Variants in EXOC4 observed in about 807,000 individuals in gnomAD.
The protein encoded by EXOC4 is exocyst complex component 4.
A neutral mutation model predicts 107.2 loss-of-function variants in EXOC4; 71 were observed. The ratio of observed to expected loss-of-function variants is 0.66; its 90% CI spans 0.55 to 0.81. EXOC4 has a LOEUF of 0.81. Ranked by LOEUF, EXOC4 falls within the 30% of genes least tolerant of loss-of-function variation. The pLI is 0.00. For missense variants in EXOC4, 1,108 were observed against 1,189.6 expected (o/e 0.93, Z 1.01); for synonymous variants, 456 against 441.2 (o/e 1.03, Z -0.42).
chr7:133,624,036 A>G (rs1319634907), intron 9 of EXOC4, among the ~76,000 whole-genome samples: 1 of 152,196 alleles, frequency 6.6e-6, no homozygotes. Flanking sequence ...GGAGTTCCAT[A>G]TTTATTATAC....
At chr7:133,979,386 G>A (rs1194205472) in intron 14 of EXOC4, among the ~76,000 whole-genome samples, 1 of 152,130 alleles carries the variant, frequency 6.6e-6, no homozygotes, top group Non-Finnish European at 1.5e-5. Flanking sequence ...ACGGCGGTCA[G>A]GAAATAAATG....
At chr7:133,647,574 G>T (rs1803024384) in intron 10 of EXOC4, among the ~76,000 whole-genome samples, 1 of 152,106 alleles carries the variant, frequency 6.6e-6, no homozygotes, top group Admixed American at 6.5e-5. Flanking sequence ...AAGGACCCTA[G>T]AGCCCCAACT....
At chr7:133,943,980 T>C (rs980352003) in intron 14 of EXOC4, among the ~76,000 whole-genome samples, 4 of 152,172 alleles carry the variant, frequency 2.6e-5, no homozygotes, top group African/African-American at 9.7e-5. Context: ...GATTGATTTA[T>C]GATAAAAATT....
chr7:133,629,049 T>C, intron 9 of EXOC4, among the ~76,000 whole-genome samples: 1 of 152,332 alleles, frequency 6.6e-6, no homozygotes, highest in Middle Eastern at 3.4e-3. Context: ...TATTATTTAG[T>C]GTTAAGAATA....
chr7:133,443,595 C>T (rs551118023), intron 7 of EXOC4, among the ~76,000 whole-genome samples: 1 of 152,282 alleles, frequency 6.6e-6, no homozygotes, highest in African/African-American at 2.4e-5. Context: ...GTGTTTGTCT[C>T]TGCAGCTCTA....
chr7:133,262,330 A>G (rs1795172789), intron 1 of EXOC4, among the ~76,000 whole-genome samples: 1 of 151,802 alleles, frequency 6.6e-6, no homozygotes. Context: ...GTAAGCCATG[A>G]AATAAATTAT....
intron 7 of EXOC4, among the ~76,000 whole-genome samples, chr7:133,419,542 A>G (rs1308548960): frequency 6.6e-6 from 1 of 152,170 alleles, no homozygotes; most frequent in Non-Finnish European, 1.5e-5. Flanking sequence ...GTGCATTCAT[A>G]CACAGCCAAC....
At chr7:134,080,440 T>C in the EXOC4 span, among the ~76,000 whole-genome samples, 22 of 148,708 alleles carry the variant, frequency 1.5e-4, no homozygotes, top group Non-Finnish European at 2.4e-4. Context: ...TGTTTTTACC[T>C]TGAGGGATCT....
chr7:133,555,879 C>G (rs1800680878), intron 9 of EXOC4, among the ~76,000 whole-genome samples: 1 of 152,158 alleles, frequency 6.6e-6, no homozygotes. Flanking sequence ...ATGTGTGCAT[C>G]ACTTAGAAAA....
At chr7:133,846,271 C>A (rs1456169212) in intron 11 of EXOC4, among the ~76,000 whole-genome samples, 1 of 152,196 alleles carries the variant, frequency 6.6e-6, no homozygotes, top group Non-Finnish European at 1.5e-5. Flanking sequence ...TTAGTTCAAT[C>A]TTTCTACTCA....
chr7:133,383,230 ACAAACC>A (rs1563044630), intron 7 of EXOC4, among the ~76,000 whole-genome samples: 64 of 152,308 alleles, frequency 4.2e-4, no homozygotes, highest in African/African-American at 1.5e-3. Context: ...ATCACTTTGA[ACAAACC>A]CATCCTCCAG....
At chr7:133,342,404 C>G (rs1650649899) in intron 5 of EXOC4, among the ~76,000 whole-genome samples, 1 of 152,104 alleles carries the variant, frequency 6.6e-6, no homozygotes, top group Non-Finnish European at 1.5e-5. Context: ...TTAGAAATCT[C>G]CTGTTAATCT....
At chr7:134,006,224 C>T (rs996939706) in intron 16 of EXOC4, among the ~76,000 whole-genome samples, 5 of 151,532 alleles carry the variant, frequency 3.3e-5, no homozygotes, top group Non-Finnish European at 7.4e-5. Context: ...ATTATTATTT[C>T]TTATTCTCTA....
At chr7:133,311,525 T>C (rs755625784) in intron 4 of EXOC4, among the ~76,000 whole-genome samples, 3 of 152,182 alleles carry the variant, frequency 2.0e-5, no homozygotes, top group Non-Finnish European at 4.4e-5. Context: ...CTACCTCTTA[T>C]GTACAAATGA....
chr7:134,054,192 C>T (rs1198988736), intron 17 of EXOC4, among the ~76,000 whole-genome samples: 1 of 152,188 alleles, frequency 6.6e-6, no homozygotes, highest in African/African-American at 2.4e-5. Flanking sequence ...GGTGATCCAC[C>T]TGTCTTGGCC....
chr7:133,752,403 C>T (rs1472972870), intron 10 of EXOC4, among the ~76,000 whole-genome samples: 1 of 152,138 alleles, frequency 6.6e-6, no homozygotes, highest in Non-Finnish European at 1.5e-5. Context: ...AGTTAATTTC[C>T]CAGTCCACAA....
chr7:133,525,161 C>T (rs554127980), intron 9 of EXOC4, among the ~76,000 whole-genome samples: 24 of 152,162 alleles, frequency 1.6e-4, no homozygotes, highest in East Asian at 1.2e-3. Context: ...GGATGGAGGA[C>T]GCAGGATTTT....
At chr7:133,255,006 C>T (rs1794982663) in intron 1 of EXOC4, among the ~76,000 whole-genome samples, 1 of 151,786 alleles carries the variant, frequency 6.6e-6, no homozygotes. Flanking sequence ...TTGACCATTC[C>T]TTAATATTCT....
chr7:133,443,359 C>T (rs999081476), intron 7 of EXOC4, among the ~76,000 whole-genome samples: 1 of 152,244 alleles, frequency 6.6e-6, no homozygotes, highest in Non-Finnish European at 1.5e-5. Context: ...AAGTCTCTTG[C>T]GCAGTACAGA....
Sources: gnomAD v4.1 joint callset for allele counts (sites outside exome capture counted in the v4.1 genomes callset) on GRCh38, gnomAD v4.1.1 for gene constraint, MANE v1.5 for transcripts, NCBI Gene and HGNC (gene_info 2026-07-23, HGNC 2026-07-21) for gene names.